The following RASAL2 variants were observed in gnomAD, a reference collection of about 807,000 sequenced individuals.
RASAL2 encodes the protein ras GTPase-activating protein nGAP.
Under a neutral mutation model 128.9 loss-of-function variants are expected in RASAL2, and 58 were observed. The ratio of observed to expected loss-of-function variants is 0.45; its 90% confidence interval spans 0.36 to 0.56. The LOEUF (loss-of-function observed/expected upper bound fraction) is 0.56. Among genes scored for constraint, RASAL2 ranks in the 20% least tolerant of loss-of-function variants. RASAL2 has a pLI of 0.00. For missense variants in RASAL2, 1,360 were observed against 1,601.6 expected, an observed-to-expected ratio of 0.85 and a Z score of 2.57; for synonymous variants, 561 against 580.8, an observed-to-expected ratio of 0.97 and a Z score of 0.49.
intron 1 of RASAL2, among the ~76,000 whole-genome samples, chr1:178,128,145 G>A (rs1336394033): frequency 6.6e-6 from 1 of 151,968 alleles, no homozygotes; most frequent in Admixed American, 6.6e-5. Flanking sequence ...ATCACTACCC[G>A]AGTATTTATG....
chr1:178,203,234 A>G (rs1032610800), intron 1 of RASAL2, among the ~76,000 whole-genome samples: 2 of 152,196 alleles, frequency 1.3e-5, no homozygotes, highest in Non-Finnish European at 2.9e-5. Context: ...CCTCTGACCA[A>G]GGCACTCACT....
intron 1 of RASAL2, among the ~76,000 whole-genome samples, chr1:178,242,423 TTCTCTCTCTCTCTC>T (rs58914415): frequency 0.059 from 4,980 of 85,104 alleles, 318 homozygotes; most frequent in Non-Finnish European, 0.067. Flanking sequence ...TTATAATTCA[TTCTCTCTCTCTCTC>T]TCTCTCTCTC....
chr1:178,390,697 A>G (rs1468696283), intron 4 of RASAL2, among the ~76,000 whole-genome samples: 1 of 152,088 alleles, frequency 6.6e-6, no homozygotes. Context: ...CTTTCAGTAT[A>G]ATATTTATTA....
At chr1:178,109,979 C>G (rs1659234545) in intron 1 of RASAL2, among the ~76,000 whole-genome samples, 2 of 152,122 alleles carry the variant, frequency 1.3e-5, no homozygotes, top group South Asian at 4.1e-4. Flanking sequence ...GATCCTGCTA[C>G]TACACTTCAG....
At chr1:178,323,024 A>G (rs1668868519) in intron 3 of RASAL2, among the ~76,000 whole-genome samples, 1 of 152,200 alleles carries the variant, frequency 6.6e-6, no homozygotes, top group Admixed American at 6.5e-5. Context: ...TACCTTCTGT[A>G]TGTAGAAATC....
chr1:178,344,661 C>A (rs551400148), intron 3 of RASAL2, among the ~76,000 whole-genome samples: 5 of 152,178 alleles, frequency 3.3e-5, no homozygotes, highest in African/African-American at 1.2e-4. Flanking sequence ...GTTTTCAGTT[C>A]CCTGTATATC....
chr1:178,106,563 A>G (rs1450976951), intron 1 of RASAL2, among the ~76,000 whole-genome samples: 1 of 152,246 alleles, frequency 6.6e-6, no homozygotes, highest in East Asian at 1.9e-4. Flanking sequence ...TGTAATGTCT[A>G]AAACAATGAC....
intron 1 of RASAL2, among the ~76,000 whole-genome samples, chr1:178,138,073 C>T (rs554304722): frequency 1.3e-5 from 2 of 152,230 alleles, no homozygotes; most frequent in Admixed American, 1.3e-4. Flanking sequence ...CGTGTATTTT[C>T]TACCTTCTGT....
chr1:178,417,414 A>C (rs2102733839), intron 4 of RASAL2, among the ~76,000 whole-genome samples: 1 of 152,310 alleles, frequency 6.6e-6, no homozygotes, highest in Non-Finnish European at 1.5e-5. Flanking sequence ...ACAAATAAGC[A>C]TAAGTTTTAT....
Position 178,478,195 on chromosome 1 carries a change from G to C in RASAL2, c.*4956G>C, listed in dbSNP as rs1206783199. On this transcript the variant is annotated 3_prime_UTR_variant, in exon 18 of 18. Coordinates refer to ENST00000367649, the MANE Select transcript of RASAL2 (RefSeq NM_170692.4). ...AGACTTAAAACCAGATTTATTTGTT[G>C]TTGTAGAGAGATTTCCACAGAAGTT... The C allele has an allele frequency of 6.6e-6, 1 of 151,274 alleles. No individual in the cohort carries two copies. The highest frequency in any genetic ancestry group is 1.5e-5 in the Non-Finnish European group (1 of 67,824). 9.4% of individuals were successfully genotyped at this position (151,274 alleles called of 1,614,324 possible). A position where few individuals can be genotyped will look rare whatever the true frequency, so the allele number is the denominator to read the frequency against.
chr1:178,411,754 C>G, intron 4 of RASAL2: 1 of 796,130 alleles, frequency 1.3e-6, no homozygotes, highest in Non-Finnish European at 2.3e-6. Flanking sequence ...GAAGGCAGAC[C>G]GAGATGAATC....
At chr1:178,360,605 T>C (rs1671055283) in intron 3 of RASAL2, among the ~76,000 whole-genome samples, 1 of 152,248 alleles carries the variant, frequency 6.6e-6, no homozygotes, top group African/African-American at 2.4e-5. Flanking sequence ...TCAGCAAGGT[T>C]ACAGGCTGCT....
intron 3 of RASAL2, among the ~76,000 whole-genome samples, chr1:178,368,258 A>T (rs189327228): frequency 1.3e-3 from 205 of 152,254 alleles, no homozygotes; most frequent in African/African-American, 4.7e-3. Flanking sequence ...AAGTTCTATG[A>T]TTTTCGGTTT....
At chr1:178,306,713 T>C (rs1232635745) in intron 3 of RASAL2, among the ~76,000 whole-genome samples, 3 of 151,996 alleles carry the variant, frequency 2.0e-5, no homozygotes, top group Non-Finnish European at 4.4e-5. Context: ...GAAGTGTCTG[T>C]TCATGTCCTT....
At chr1:178,239,419 A>G (rs975975367) in intron 1 of RASAL2, among the ~76,000 whole-genome samples, 1 of 152,074 alleles carries the variant, frequency 6.6e-6, no homozygotes, top group Non-Finnish European at 1.5e-5. Flanking sequence ...TGGTTTACAT[A>G]CTGTAGATAT....
intron 4 of RASAL2, among the ~76,000 whole-genome samples, chr1:178,398,625 T>C (rs1444135038): frequency 5.3e-5 from 8 of 152,224 alleles, no homozygotes; most frequent in Admixed American, 6.5e-5. Context: ...TATTGTACTA[T>C]GGCTTGGTTC....
intron 8 of RASAL2, among the ~76,000 whole-genome samples, chr1:178,444,767 T>G (rs1419562795): frequency 3.3e-5 from 5 of 152,148 alleles, no homozygotes; most frequent in African/African-American, 1.2e-4. Context: ...TTCAGTAGAT[T>G]CTACATTGAC....
At chr1:178,352,250 A>C (rs1009157796) in intron 3 of RASAL2, among the ~76,000 whole-genome samples, 1 of 152,250 alleles carries the variant, frequency 6.6e-6, no homozygotes, top group African/African-American at 2.4e-5. Context: ...AAGTTGATAT[A>C]CTAGAGCAGT....
chr1:178,132,766 ATT>A (rs35326037), intron 1 of RASAL2, among the ~76,000 whole-genome samples: 96 of 130,016 alleles, frequency 7.4e-4, no homozygotes, highest in African/African-American at 1.3e-3. Context: ...ACAATTCAGA[ATT>A]TTTTTTTTTT....
Sources: allele counts gnomAD v4.1 joint callset (sites outside exome capture counted in the v4.1 genomes callset), GRCh38; gene constraint gnomAD v4.1.1; transcripts MANE v1.5; gene names NCBI Gene and HGNC (gene_info 2026-07-23, HGNC 2026-07-21).